MTMR9: variants seen among roughly 807,000 people sequenced by gnomAD.
The protein encoded by MTMR9 is myotubularin-related protein 9.
A neutral mutation model predicts 69.5 loss-of-function variants in MTMR9; 39 were observed. The ratio of observed to expected loss-of-function variants is 0.56; its 90% CI spans 0.43 to 0.73. The LOEUF (loss-of-function observed/expected upper bound fraction) is 0.73. Among genes scored for constraint, MTMR9 ranks in the 30% least tolerant of loss-of-function variants. MTMR9 has a pLI of 0.00. For missense variants in MTMR9, 900 were observed against 671.2 expected (o/e 1.34, Z -3.77); for synonymous variants, 354 against 240.8 (o/e 1.47, Z -4.35).
Position 11,304,053 on chromosome 8 carries a change from A to ATT in MTMR9, c.418-777_418-776dup, listed in dbSNP as rs58955564. The stretch of plus-strand genomic sequence containing the variant: ...CATATTGAAATTTACATATAATTTG[A>ATT]TTTTTTTTTTTTACTGTAAAACCTT... On this transcript the variant is annotated intron_variant, in intron 3 of 9. Transcript: ENST00000221086. Among the ~76,000 whole-genome samples the ATT allele has an allele frequency of 4.2e-3, 613 of 147,054 alleles. 6 individuals are homozygous for ATT. Among genetic ancestry groups the ATT allele is most frequent in the African/African-American group, 0.015 (590 of 40,426 alleles).
At chr8:11,312,775 G>A (rs1008704200) in intron 6 of MTMR9, among the ~76,000 whole-genome samples, 1 of 152,150 alleles carries the variant, frequency 6.6e-6, no homozygotes, top group East Asian at 1.9e-4. Flanking sequence ...GGTAGCTATG[G>A]CCTTAAAATA....
At chr8:11,332,175 A>C (rs1801262889), downstream of MTMR9, 1 of 1,573,872 alleles carries the variant, frequency 6.4e-7, no homozygotes, top group African/African-American at 1.4e-5. Context: ...AATAAAGACA[A>C]AGACTGAAGA....
intron 9 of MTMR9, chr8:11,321,512 G>A: frequency 2.2e-6 from 1 of 456,818 alleles, no homozygotes; most frequent in Non-Finnish European, 4.4e-6. Flanking sequence ...GGAGCTTAGA[G>A]ATAAGTGATG....
chr8:11,294,351 A>G (rs1047975896), intron 1 of MTMR9, among the ~76,000 whole-genome samples: 3 of 152,066 alleles, frequency 2.0e-5, no homozygotes, highest in African/African-American at 7.2e-5. Context: ...TAAGTGTGCT[A>G]TTAGATTTAG....
downstream of MTMR9, among the ~76,000 whole-genome samples, chr8:11,330,438 A>T (rs1026311694): frequency 6.6e-6 from 1 of 152,236 alleles, no homozygotes. Flanking sequence ...CTCATTGAGA[A>T]CGGGCCATGA....
chr8:11,321,431 G>C (rs773606717), intron 9 of MTMR9: 5 of 456,310 alleles, frequency 1.1e-5, no homozygotes, highest in Middle Eastern at 6.5e-4. Flanking sequence ...GTAGCTGTTT[G>C]GGAGAAAACC....
downstream of MTMR9, among the ~76,000 whole-genome samples, chr8:11,328,451 A>C (rs1801046589): frequency 1.3e-5 from 2 of 152,004 alleles, no homozygotes; most frequent in South Asian, 2.1e-4. Context: ...CTTCACAGGA[A>C]TCTCCCAAGA....
rs767284311 is a variant in MTMR9, at chr8:11,284,920, G to A, written c.32G>A (p.Arg11Gln). Residue 11 changes from arginine (R) to glutamine (Q), a missense_variant, in exon 1 of 10, where the codon CGG becomes CAG. Transcript: ENST00000221086. Reference protein sequence around the residue: MEFAELIKTPRVDNVVLHRPF... With the variant: MEFAELIKTPQVDNVVLHRPF... ...TTTGCGGAGCTGATTAAGACCCCGCGGGTGGACAATGTGGTGCTGCACCGG... is the reference window on the plus strand; with the variant it reads ...TTTGCGGAGCTGATTAAGACCCCGCAGGTGGACAATGTGGTGCTGCACCGG... 1.9e-6 allele frequency: 3 copies of A among 1,611,484 alleles called. No individual in the cohort carries two copies. The highest frequency in any genetic ancestry group is 2.7e-5 in the African/African-American group (2 of 74,768).
chr8:11,302,593 G>C (rs989920472), intron 3 of MTMR9, among the ~76,000 whole-genome samples: 5 of 152,104 alleles, frequency 3.3e-5, no homozygotes, highest in African/African-American at 1.2e-4. Context: ...TATTTAATCT[G>C]ATAAAGGATG....
intron 1 of MTMR9, among the ~76,000 whole-genome samples, chr8:11,286,078 G>C (rs1053731911): frequency 6.8e-6 from 1 of 147,850 alleles, no homozygotes; most frequent in Non-Finnish European, 1.5e-5. Context: ...TCAGCCTCCC[G>C]AGTAGCTGGG....
At chr8:11,311,908 A>G (rs1407803104) in intron 6 of MTMR9, among the ~76,000 whole-genome samples, 1 of 150,716 alleles carries the variant, frequency 6.6e-6, no homozygotes, top group Non-Finnish European at 1.5e-5. Context: ...TCATTTCAAC[A>G]ATATTCACAG....
intron 2 of MTMR9, among the ~76,000 whole-genome samples, chr8:11,297,272 T>C (rs1799594542): frequency 6.6e-6 from 1 of 152,254 alleles, no homozygotes; most frequent in South Asian, 2.1e-4. Context: ...TAGTGCTAAG[T>C]AAATGGTACA....
chr8:11,337,653 A>G, the MTMR9 span, among the ~76,000 whole-genome samples: 2 of 152,274 alleles, frequency 1.3e-5, no homozygotes, highest in East Asian at 3.8e-4. Flanking sequence ...GCCCTGGGGC[A>G]AAACTGTGAA....
downstream of MTMR9, chr8:11,331,479 G>A (rs758879812): frequency 5.6e-6 from 9 of 1,613,808 alleles, no homozygotes; most frequent in African/African-American, 1.3e-5. Context: ...AGTTCAGGTG[G>A]TGCCCGCTGG....
At chr8:11,329,039 C>T (rs1386638397), downstream of MTMR9, among the ~76,000 whole-genome samples, 2 of 152,166 alleles carry the variant, frequency 1.3e-5, no homozygotes, top group Non-Finnish European at 2.9e-5. Flanking sequence ...AGAGACTGTC[C>T]TTTTCCCATT....
In MTMR9 at chr8:11,327,449, T is replaced by G. The variant is rs1227372903; in HGVS notation, c.*4661T>G. On this transcript the variant is annotated 3_prime_UTR_variant, in exon 10 of 10. Coordinates refer to ENST00000221086, the MANE Select transcript of MTMR9 (RefSeq NM_015458.4). ...CTGAGTTGTACAACACTGCCTGTGTTTGTCTGGCCAAGACATTTGCTTCAC... is the reference window on the plus strand; with the variant it reads ...CTGAGTTGTACAACACTGCCTGTGTGTGTCTGGCCAAGACATTTGCTTCAC... 1.3e-5 allele frequency: 2 copies of G among 152,276 alleles called. No individual in the cohort carries two copies. The highest frequency in any genetic ancestry group is 4.8e-5 in the African/African-American group (2 of 41,460). The allele number at this position is 152,276 out of a possible 1,614,324, so 9.4% of individuals were successfully genotyped here. A position where few individuals can be genotyped will look rare whatever the true frequency, so the allele number is the denominator to read the frequency against.
intron 2 of MTMR9, among the ~76,000 whole-genome samples, chr8:11,296,056 A>G (rs763392121): frequency 2.6e-5 from 4 of 151,906 alleles, no homozygotes; most frequent in Non-Finnish European, 4.4e-5. Context: ...AAAAATTTGA[A>G]TAGAAATATT....
chr8:11,295,784 T>C (rs751988297), intron 2 of MTMR9, among the ~76,000 whole-genome samples: 2 of 152,218 alleles, frequency 1.3e-5, no homozygotes, highest in African/African-American at 2.4e-5. Context: ...TAAAATCTTA[T>C]ATGGAATTGT....
chr8:11,333,718 A>C, the MTMR9 span, among the ~76,000 whole-genome samples: 2 of 152,206 alleles, frequency 1.3e-5, no homozygotes, highest in Non-Finnish European at 2.9e-5. Flanking sequence ...GCTTGTTACC[A>C]GTAGATTTGC....
Sources: allele counts gnomAD v4.1 joint callset (sites outside exome capture counted in the v4.1 genomes callset), GRCh38; gene constraint gnomAD v4.1.1; transcripts MANE v1.5; gene names NCBI Gene and HGNC (gene_info 2026-07-23, HGNC 2026-07-21).